CATSPERE: variants seen among roughly 807,000 people sequenced by gnomAD.
CATSPERE encodes the protein catsper channel auxiliary subunit epsilon, also known as cation channel sperm-associated auxiliary subunit epsilon.
Under a neutral mutation model 114.1 loss-of-function variants are expected in CATSPERE, and 93 were observed. The observed-to-expected ratio is 0.81, with a 90% CI of 0.69 to 0.97. The LOEUF is 0.97. CATSPERE is among the 50% of genes least tolerant of loss of function. The probability of loss-of-function intolerance (pLI) is 0.00; values close to 1 mark genes in which losing one functional copy is unlikely to be tolerated. For synonymous variants in CATSPERE, 341 were observed against 384.1 expected, an observed-to-expected ratio of 0.89 and a Z score of 1.31; for missense variants, 1,058 against 1,131.6, an observed-to-expected ratio of 0.93 and a Z score of 0.93.
intron 5 of CATSPERE, among the ~76,000 whole-genome samples, chr1:244,486,656 C>T (rs1293134097): frequency 6.5e-5 from 6 of 91,796 alleles, no homozygotes; most frequent in African/African-American, 1.3e-4. Flanking sequence ...GGTGGGTGGT[C>T]CAGCATGTGG....
At chr1:244,522,369 AC>A (rs1477961962) in intron 8 of CATSPERE, among the ~76,000 whole-genome samples, 2 of 152,220 alleles carry the variant, frequency 1.3e-5, no homozygotes, top group Non-Finnish European at 2.9e-5. Flanking sequence ...CTAAATGCCC[AC>A]AAGAGAAAGC....
At chr1:244,475,639 C>T (rs1010008074) in intron 2 of CATSPERE, among the ~76,000 whole-genome samples, 1 of 148,820 alleles carries the variant, frequency 6.7e-6, no homozygotes, top group Non-Finnish European at 1.5e-5. Flanking sequence ...CTGGCTGAAG[C>T]GATTCTCCTG....
chr1:244,614,403 A>G (rs910350679), intron 19 of CATSPERE, among the ~76,000 whole-genome samples: 19 of 152,206 alleles, frequency 1.2e-4, no homozygotes, highest in African/African-American at 3.9e-4. Flanking sequence ...ACTGAAGCCA[A>G]AGAATCTATG....
At chr1:244,512,513 CCTCT>C (rs1675941921) in intron 7 of CATSPERE, among the ~76,000 whole-genome samples, 1 of 151,774 alleles carries the variant, frequency 6.6e-6, no homozygotes. Flanking sequence ...TTTCCTCCTC[CCTCT>C]CTGAGTTTCT....
intron 7 of CATSPERE, among the ~76,000 whole-genome samples, chr1:244,506,666 G>C (rs1328722647): frequency 6.6e-6 from 1 of 151,676 alleles, no homozygotes; most frequent in Non-Finnish European, 1.5e-5. Context: ...TTATTTTGGG[G>C]GTATATGTGA....
chr1:244,605,835 TAGAC>T (rs771899821), intron 18 of CATSPERE, 41 bp downstream of exon 18: 1 of 1,309,536 alleles, frequency 7.6e-7, no homozygotes, highest in Admixed American at 1.9e-5. Context: ...AGCATGCAAC[TAGAC>T]AATGTCTTCC....
intron 7 of CATSPERE, among the ~76,000 whole-genome samples, chr1:244,512,696 G>T (rs1435929360): frequency 6.6e-6 from 1 of 152,100 alleles, no homozygotes; most frequent in Non-Finnish European, 1.5e-5. Context: ...TGGTATAAAA[G>T]TTGCTTCTTT....
At position 244,617,622 on chromosome 1, in the gene CATSPERE, T is replaced by G; in HGVS notation, c.2584T>G (p.Phe862Val). 1 of 1,545,398 alleles carries G rather than the reference T, an allele frequency of 6.5e-7. No homozygotes were observed. Among genetic ancestry groups the G allele is most frequent in the African/African-American group, 1.4e-5 (1 of 72,752 alleles). The change falls in exon 20 of 22, where the codon TTT becomes GTT. Residue 862 changes from phenylalanine to valine, a missense_variant. Coordinates refer to ENST00000366534, the MANE Select transcript of CATSPERE (RefSeq NM_001130957.2). ...CAACAGTTCTAATGGTAACCATATA[T>G]TTTGGCCCATGGGCCATTCTGGAAT... Reference protein sequence around the residue: ...IINSSNGNHIFWPMGHSGMYV... With the variant: ...IINSSNGNHIVWPMGHSGMYV...
At chr1:244,498,965 A>C (rs769236618) in intron 6 of CATSPERE, 37 bp from the exon 7 acceptor site, 2 of 1,491,492 alleles carry the variant, frequency 1.3e-6, no homozygotes, top group Non-Finnish European at 1.9e-6. Flanking sequence ...AAATTTGTAC[A>C]AAATGTAAAG....
chr1:244,625,430 A>ATTTTTTTTTTTTTTTTT (rs1476267922), intron 20 of CATSPERE, among the ~76,000 whole-genome samples: 118 of 4,336 alleles, frequency 0.027, 6 homozygotes, highest in Non-Finnish European at 0.047. Context: ...ATATATATAT[A>ATTTTTTTTTTTTTTTTT]TATTTTTTTT....
chr1:244,552,499 A>G lies in CATSPERE; in HGVS notation c.714A>G (p.Gln238=). The change falls in exon 9 of 22, where the codon CAA becomes CAG. Residue 238 remains glutamine, a synonymous_variant. Coordinates refer to ENST00000366534, the MANE Select transcript of CATSPERE (RefSeq NM_001130957.2). ...CAATCTCCTCACCACGTGGTAGTCA[A>G]TTAATGGCTTCCTGGGATGCTTGTG... ...YLPISSPRGS[Q]LMASWDACVV... is the part of the protein sequence containing the mutation. The G allele has an allele frequency of 3.7e-6, 6 of 1,614,180 alleles. No homozygotes were observed. Among genetic ancestry groups the G allele is most frequent in the Non-Finnish European group, 5.1e-6 (6 of 1,180,034 alleles).
intron 20 of CATSPERE, among the ~76,000 whole-genome samples, chr1:244,620,808 C>T (rs1671992228): frequency 6.6e-6 from 1 of 150,948 alleles, no homozygotes; most frequent in African/African-American, 2.4e-5. Context: ...TCTCTAAAGA[C>T]ACTCTATCCC....
At chr1:244,578,817 C>CATATATAT (rs1384872310) in intron 11 of CATSPERE, among the ~76,000 whole-genome samples, 1 of 32,750 alleles carries the variant, frequency 3.1e-5, no homozygotes. Context: ...TATATAGGTG[C>CATATATAT]ATATACATAT....
rs1666719655 is a variant in CATSPERE, at chr1:244,461,335, C to G, written c.-95C>G. The G allele has an allele frequency of 2.7e-6, 3 of 1,126,486 alleles. No individual in the cohort carries two copies. Among genetic ancestry groups the G allele is most frequent in the Non-Finnish European group, 3.4e-6 (3 of 874,056 alleles). The allele number at this position is 1,126,486 out of a possible 1,614,324, so 69.8% of individuals were successfully genotyped here. ...CTGTCCAGAGGCGCCGGGACCCAGG[C>G]GCCTGCAGCCGCCCGCCGGGCCGAC... On this transcript the variant is annotated 5_prime_UTR_variant, in exon 1 of 22. Coordinates refer to ENST00000366534, the MANE Select transcript of CATSPERE (RefSeq NM_001130957.2).
chr1:244,564,215 G>A (rs183693733), intron 10 of CATSPERE, among the ~76,000 whole-genome samples: 481 of 152,206 alleles, frequency 3.2e-3, no homozygotes, highest in Non-Finnish European at 5.5e-3. Flanking sequence ...TTTTTGTTTA[G>A]GATTGTCTTG....
chr1:244,514,703 C>A (rs532458849), intron 7 of CATSPERE, among the ~76,000 whole-genome samples: 1 of 151,982 alleles, frequency 6.6e-6, no homozygotes, highest in Admixed American at 6.6e-5. Context: ...GTGGCAGGCA[C>A]CTGTAGTCCC....
chr1:244,480,483 C>T (rs368556685), intron 5 of CATSPERE, among the ~76,000 whole-genome samples: 66 of 152,202 alleles, frequency 4.3e-4, no homozygotes, highest in African/African-American at 1.3e-3. Context: ...ACTATTCCTC[C>T]GTATTCTGTG....
At chr1:244,569,103 C>T (rs1401447229) in intron 10 of CATSPERE, among the ~76,000 whole-genome samples, 2 of 149,530 alleles carry the variant, frequency 1.3e-5, no homozygotes, top group Non-Finnish European at 2.9e-5. Context: ...CTTCCCTTGG[C>T]TAGGGGAGGG....
chr1:244,540,028 A>G (rs921340464), intron 8 of CATSPERE, among the ~76,000 whole-genome samples: 11 of 151,422 alleles, frequency 7.3e-5, no homozygotes, highest in Non-Finnish European at 1.5e-4. Context: ...AGAGCTATCT[A>G]TGACAAACTC....
Sources: allele counts gnomAD v4.1 joint callset (sites outside exome capture counted in the v4.1 genomes callset), GRCh38; gene constraint gnomAD v4.1.1; transcripts MANE v1.5; gene names NCBI Gene and HGNC (gene_info 2026-07-23, HGNC 2026-07-21).